NIN: variants seen among roughly 807,000 people sequenced by gnomAD.
The protein encoded by NIN is glycogen synthase kinase 3 beta-interacting protein.
Under a neutral mutation model 257.6 loss-of-function variants are expected in NIN, and 137 were observed. The observed-to-expected ratio is 0.53, with a 90% confidence interval of 0.46 to 0.61. NIN has a LOEUF of 0.61. Among genes scored for constraint, NIN ranks in the 20% least tolerant of loss-of-function variants. The pLI is 0.00. For missense variants in NIN, 2,439 were observed against 2,501.2 expected (o/e 0.98, Z 0.53); for synonymous variants, 918 against 919.8 (o/e 1.00, Z 0.04).
intron 3 of NIN, among the ~76,000 whole-genome samples, chr14:50,812,494 T>C (rs959386718): frequency 6.6e-6 from 1 of 152,166 alleles, no homozygotes; most frequent in Non-Finnish European, 1.5e-5. Context: ...AGAAGACACA[T>C]AACCTCTGCC....
chr14:50,789,312 C>T (rs763699869), intron 5 of NIN, among the ~76,000 whole-genome samples: 17 of 152,180 alleles, frequency 1.1e-4, no homozygotes, highest in Non-Finnish European at 1.8e-4. Flanking sequence ...CGGTGGCTCA[C>T]GCCTGTAATC....
intron 3 of NIN, among the ~76,000 whole-genome samples, chr14:50,809,587 C>A (rs551555109): frequency 1.8e-4 from 27 of 152,278 alleles, no homozygotes; most frequent in Admixed American, 4.6e-4. Context: ...CCAGGGTCTT[C>A]TAAAGGCGTA....
chr14:50,793,984 C>CT (rs947257466), intron 4 of NIN, among the ~76,000 whole-genome samples: 2 of 152,154 alleles, frequency 1.3e-5, no homozygotes, highest in African/African-American at 4.8e-5. Context: ...GAACATGAGT[C>CT]TTAGCAAGGT....
chr14:50,813,959 T>C (rs1186343508), intron 3 of NIN, among the ~76,000 whole-genome samples: 2 of 152,182 alleles, frequency 1.3e-5, no homozygotes, highest in South Asian at 2.1e-4. Context: ...GCTTACAGCA[T>C]TATGCAAAGA....
Position 50,738,293 on chromosome 14 carries a change from G to A in NIN, c.5629-7C>T, listed in dbSNP as rs2041100641. ...TGGATTCCAACTGACGGACCTAACA[G>A]GAACAAATGTAAGAGGAAAAAATGC... On this transcript the variant is annotated splice_polypyrimidine_tract_variant and splice_region_variant and intron_variant, in intron 26 of 30. Transcript: ENST00000530997. 3.7e-6 allele frequency: 6 copies of A among 1,609,052 alleles called. No homozygotes were observed. Among genetic ancestry groups the A allele is most frequent in the South Asian group, 3.3e-5 (3 of 89,774 alleles).
intron 5 of NIN, among the ~76,000 whole-genome samples, chr14:50,789,902 A>ATG (rs1445147248): frequency 2.6e-5 from 4 of 152,352 alleles, no homozygotes; most frequent in African/African-American, 9.6e-5. Context: ...ACAGTAAGTA[A>ATG]CAAGACTGAT....
chr14:50,723,618 C>T lies in NIN; in HGVS notation c.6247G>A (p.Ala2083Thr). The T allele has an allele frequency of 6.2e-7, 1 of 1,613,886 alleles. No homozygotes were observed. The highest frequency in any genetic ancestry group is 1.1e-5 in the South Asian group (1 of 91,074). The part of the protein sequence containing the change: ...AMVKDLYVEN[A>T]QLLKALEVTE... Reference sequence around the variant, plus strand: ...ACTTCCAGAGCTTTCAACAACTGGGCATTTTCAACATACAAGTCCTTCACC... The same window carrying T: ...ACTTCCAGAGCTTTCAACAACTGGGTATTTTCAACATACAAGTCCTTCACC... Residue 2083 changes from alanine to threonine, a missense_variant, in exon 31 of 31, where the codon GCC (alanine) becomes ACC (threonine). Physicochemically the swap from Ala to Thr is moderately conservative, Grantham distance 58. Coordinates refer to ENST00000530997, the MANE Select transcript of NIN (RefSeq NM_020921.4).
At chr14:50,778,907 C>T in intron 5 of NIN, 103 bp from the exon 6 acceptor site, 1 of 1,182,802 alleles carries the variant, frequency 8.5e-7, no homozygotes, top group South Asian at 1.2e-5. Flanking sequence ...AAATCATCAT[C>T]TAAGTGAGTC....
At chr14:50,785,511 G>A (rs1370425645) in intron 5 of NIN, among the ~76,000 whole-genome samples, 1 of 152,184 alleles carries the variant, frequency 6.6e-6, no homozygotes, top group Non-Finnish European at 1.5e-5. Context: ...AAAGGAAAAA[G>A]CCCTGTAAAC....
Position 50,760,140 on chromosome 14 carries a change from C to T in NIN, c.2116G>A (p.Val706Met). ...TGAGTCTTTTCCTCCTCAAGCTTCA[C>T]TTGCAGTTGTTTTTTCTCCTCCTCA... ...RHEEEKKQLQVKLEEEKTHLQ... is the reference protein window; with the variant it reads ...RHEEEKKQLQMKLEEEKTHLQ... The change falls in exon 17 of 31, where the codon GTG (valine) becomes ATG (methionine). Residue 706 changes from valine to methionine, a missense_variant. By Grantham distance (21) the Val-to-Met change is conservative (BLOSUM62 1). Transcript: ENST00000530997. 1 of 1,614,212 alleles carries T rather than the reference C, an allele frequency of 6.2e-7. No homozygotes were observed. Among genetic ancestry groups the T allele is most frequent in the South Asian group, 1.1e-5 (1 of 91,090 alleles).
intron 3 of NIN, among the ~76,000 whole-genome samples, chr14:50,816,237 G>T (rs1432517392): frequency 6.6e-6 from 1 of 152,154 alleles, no homozygotes; most frequent in Non-Finnish European, 1.5e-5. Flanking sequence ...AGAGCATCAG[G>T]AAAAATTGCT....
At chr14:50,730,979 G>A (rs1256267827) in intron 28 of NIN, 1 of 1,339,366 alleles carries the variant, frequency 7.5e-7, no homozygotes, top group East Asian at 4.6e-5. Flanking sequence ...TCCAACCACT[G>A]AGTTCTAGGT....
chr14:50,760,319 C>G lies in NIN; in HGVS notation c.1937G>C (p.Ser646Thr). The change falls in exon 17 of 31, where the codon AGC (serine) becomes ACC (threonine). Residue 646 changes from serine to threonine, a missense_variant. This residue lies in a region of NIN where 2,043 missense variants were observed against 2,050.2 expected (regional missense o/e 1.00). Transcript: ENST00000530997. ...YEKQLDETVV[S>T]CKKAQENMKQ... ...CATGTTCTCCTGTGCCTTCTTGCAG[C>G]TGACCACGGTTTCGTCCAGCTGCTT... is the stretch of plus-strand genomic sequence containing the variant. 6.2e-7 allele frequency: 1 copy of G among 1,607,610 alleles called. No homozygotes were observed. Among genetic ancestry groups the G allele is most frequent in the Non-Finnish European group, 8.5e-7 (1 of 1,179,870 alleles).
chr14:50,760,522 A>C (rs748786499), intron 16 of NIN, among the ~76,000 whole-genome samples, 163 bp from the exon 17 acceptor site: 7 of 151,310 alleles, frequency 4.6e-5, no homozygotes, highest in Non-Finnish European at 7.4e-5. Flanking sequence ...CACTTTAAGC[A>C]AGATACTTAA....
intron 21 of NIN, among the ~76,000 whole-genome samples, chr14:50,752,259 G>A (rs1416515974): frequency 6.6e-6 from 1 of 151,708 alleles, no homozygotes; most frequent in Non-Finnish European, 1.5e-5. Context: ...TGTCTACTCA[G>A]TTGTTCAGGC....
At chr14:50,770,332 T>C (rs2042678865) in intron 12 of NIN, 56 bp downstream of exon 12, 10 of 1,549,184 alleles carry the variant, frequency 6.5e-6, no homozygotes, top group South Asian at 2.4e-5. Context: ...AAGCTGTAGT[T>C]TTCCACGTGG....
Position 50,759,993 on chromosome 14 carries a change from CCTT to C in NIN, c.2260_2262del (p.Lys754del). On this transcript the variant is annotated inframe_deletion, in exon 17 of 31. Coordinates refer to ENST00000530997, the MANE Select transcript of NIN (RefSeq NM_020921.4). ...TCTAGTTCCTGAGTCAAGCCTCTCA[CCTT>C]CTCTTCTGTCCAGGCGCTACTCTGA... 1 of 1,614,222 alleles carries C rather than the reference CCTT, an allele frequency of 6.2e-7. No homozygotes were observed. Among genetic ancestry groups the C allele is most frequent in the African/African-American group, 1.3e-5 (1 of 75,060 alleles).
intron 3 of NIN, among the ~76,000 whole-genome samples, chr14:50,813,328 T>C (rs1326246821): frequency 6.6e-6 from 1 of 152,214 alleles, no homozygotes; most frequent in Non-Finnish European, 1.5e-5. Flanking sequence ...ACCTCTTCAT[T>C]TGAATAATAA....
chr14:50,752,412 C>A (rs1417733084), intron 21 of NIN, 106 bp downstream of exon 21: 6 of 819,456 alleles, frequency 7.3e-6, no homozygotes, highest in East Asian at 2.5e-5. Flanking sequence ...CAGGACCATA[C>A]TGTTTTAATT....
Sources: allele counts gnomAD v4.1 joint callset (sites outside exome capture counted in the v4.1 genomes callset), GRCh38; gene constraint gnomAD v4.1.1; regional missense constraint gnomAD v4.1.1; transcripts MANE v1.5; gene names NCBI Gene and HGNC (gene_info 2026-07-23, HGNC 2026-07-21).